Variants in POR observed in about 807,000 individuals in gnomAD.
POR encodes cytochrome p450 oxidoreductase.
POR carries 56 observed loss-of-function variants against 84.0 expected under a neutral mutation model. The ratio of observed to expected loss-of-function variants is 0.67; its 90% confidence interval spans 0.54 to 0.83. POR has a LOEUF of 0.83. POR is among the 40% of genes least tolerant of loss of function. The pLI, the probability that POR is intolerant of heterozygous loss-of-function variation, is 0.00. For missense variants in POR, 938 were observed against 944.3 expected, an observed-to-expected ratio of 0.99 and a Z score of 0.09; for synonymous variants, 414 against 400.5, an observed-to-expected ratio of 1.03 and a Z score of -0.40.
intron 1 of POR, among the ~76,000 whole-genome samples, chr7:75,920,228 G>A (rs561131340): frequency 6.6e-6 from 1 of 151,970 alleles, no homozygotes; most frequent in East Asian, 1.9e-4. Context: ...ATCACGCCCG[G>A]CTAATTTTTT....
intron 2 of POR, among the ~76,000 whole-genome samples, chr7:75,955,392 C>T (rs1158584211): frequency 3.9e-5 from 6 of 152,204 alleles, no homozygotes; most frequent in African/African-American, 1.4e-4. Context: ...CCTGTCTCTC[C>T]AAGATTGATT....
intron 2 of POR, among the ~76,000 whole-genome samples, chr7:75,961,864 A>G (rs782479853): frequency 6.6e-6 from 1 of 152,112 alleles, no homozygotes; most frequent in African/African-American, 2.4e-5. Flanking sequence ...AAACACAAAC[A>G]TTAGTCAAGT....
intron 2 of POR, among the ~76,000 whole-genome samples, chr7:75,959,399 G>T (rs1174233342): frequency 6.6e-6 from 1 of 152,152 alleles, no homozygotes; most frequent in Non-Finnish European, 1.5e-5. Context: ...AAGGTATGTG[G>T]CCCAGGGCTA....
Position 75,983,729 on chromosome 7 carries a change from T to A in POR, c.948-9T>A. 6.2e-7 allele frequency: 1 copy of A among 1,611,174 alleles called. No individual in the cohort carries two copies. The highest frequency in any genetic ancestry group is 8.5e-7 in the Non-Finnish European group (1 of 1,178,872). ...TTCCGCCCCTCCCGAGCCTCACATC[T>A]CCCTCCAGGTATGAATCTGGGGACC... On this transcript the variant is annotated splice_polypyrimidine_tract_variant and intron_variant, in intron 9 of 15. Coordinates refer to ENST00000461988, the MANE Select transcript of POR (RefSeq NM_000941.3).
At chr7:75,978,007 G>A (rs934421087) in intron 3 of POR, among the ~76,000 whole-genome samples, 10 of 152,180 alleles carry the variant, frequency 6.6e-5, no homozygotes, top group Non-Finnish European at 1.3e-4. Context: ...GCTGCTGGAG[G>A]AGGAGGGTGG....
chr7:75,982,369 G>C (rs1554558221), intron 8 of POR, 47 bp downstream of exon 8: 1 of 1,458,800 alleles, frequency 6.9e-7, no homozygotes, highest in African/African-American at 1.4e-5. Flanking sequence ...TATGGCCACT[G>C]GTGCACCCCA....
At chr7:75,925,679 G>T (rs554860308) in intron 1 of POR, among the ~76,000 whole-genome samples, 52 of 152,318 alleles carry the variant, frequency 3.4e-4, no homozygotes, top group African/African-American at 1.1e-3. Flanking sequence ...TTTGTGTGTG[G>T]AAAAGACCAA....
chr7:75,973,326 A>G (rs1486537873), intron 3 of POR, among the ~76,000 whole-genome samples: 1 of 151,552 alleles, frequency 6.6e-6, no homozygotes, highest in Non-Finnish European at 1.5e-5. Flanking sequence ...CCTTTATTTT[A>G]TTTTAGAGAC....
At chr7:75,947,862 G>C (rs1554552313) in intron 1 of POR, among the ~76,000 whole-genome samples, 1 of 151,976 alleles carries the variant, frequency 6.6e-6, no homozygotes, top group Non-Finnish European at 1.5e-5. Context: ...GAGTGGCTCA[G>C]GGTGGGGCTG....
chr7:75,985,911 C>T lies in POR; in HGVS notation c.1670-12C>T, dbSNP rs369107420. On this transcript the variant is annotated splice_polypyrimidine_tract_variant and intron_variant, in intron 13 of 15. Coordinates refer to ENST00000461988, the MANE Select transcript of POR (RefSeq NM_000941.3). ...TGGGAGCCCCGCGCTCACCCCGGCCCCTGCCACGCAGGCAAGGAGGTGGGG... is the reference window on the plus strand; with the variant it reads ...TGGGAGCCCCGCGCTCACCCCGGCCTCTGCCACGCAGGCAAGGAGGTGGGG... 26 of 1,574,566 alleles carry T rather than the reference C, an allele frequency of 1.7e-5. No homozygotes were observed. The East Asian group carries it at 5.6e-4, about 34-fold the overall frequency.
rs138895799 is a variant in POR at position 75,917,511 on chromosome 7, G to A, written c.-5+2332G>A. On this transcript the variant is annotated intron_variant, in intron 1 of 15. Transcript: ENST00000461988. ...TTTAGGGAGGAGCCAGAGAAACAGA[G>A]GTCAAGCTCTGGCACTAGCACCGTG... is the stretch of plus-strand genomic sequence containing the variant. Among the ~76,000 whole-genome samples, 688 of 151,838 alleles carry A rather than the reference G, an allele frequency of 4.5e-3. 7 individuals carry two copies. The highest frequency in any genetic ancestry group is 0.016 in the African/African-American group (649 of 41,400).
chr7:75,952,119 G>A (rs1160474990), intron 1 of POR, among the ~76,000 whole-genome samples: 16 of 118,786 alleles, frequency 1.3e-4, no homozygotes, highest in Admixed American at 2.3e-4. Flanking sequence ...TCCCGGACGG[G>A]GCAGCTGGCC....
At chr7:75,985,887 G>A (rs1554559225) in intron 13 of POR, 36 bp from the exon 14 acceptor site, 3 of 1,556,902 alleles carry the variant, frequency 1.9e-6, no homozygotes, top group Non-Finnish European at 2.6e-6. Flanking sequence ...GGTGACGACT[G>A]GGAGCCCCGC....
chr7:75,962,228 T>C (rs782669024), intron 2 of POR, among the ~76,000 whole-genome samples: 18 of 152,186 alleles, frequency 1.2e-4, no homozygotes, highest in Non-Finnish European at 2.4e-4. Flanking sequence ...TGCAGTTGAT[T>C]AATAAATCTT....
At chr7:75,932,164 A>C (rs908018594) in intron 1 of POR, among the ~76,000 whole-genome samples, 3 of 152,056 alleles carry the variant, frequency 2.0e-5, no homozygotes, top group Admixed American at 2.0e-4. Context: ...AAATATTTCT[A>C]AGACAAATTC....
At chr7:75,977,109 T>C (rs1189322380) in intron 3 of POR, among the ~76,000 whole-genome samples, 2 of 152,174 alleles carry the variant, frequency 1.3e-5, no homozygotes, top group Non-Finnish European at 2.9e-5. Flanking sequence ...TACCTCGGCC[T>C]CCCAAAGTAC....
chr7:75,919,524 C>G (rs1041634468), intron 1 of POR, among the ~76,000 whole-genome samples: 8 of 151,944 alleles, frequency 5.3e-5, no homozygotes, highest in African/African-American at 1.9e-4. Context: ...CAGTTTGTTT[C>G]TTTCTTTCCT....
At chr7:75,972,353 G>A (rs1380938889) in intron 2 of POR, 60 bp from the exon 3 acceptor site, 20 of 1,484,486 alleles carry the variant, frequency 1.3e-5, no homozygotes, top group Middle Eastern at 1.7e-4. Flanking sequence ...CCCACGTCCC[G>A]TGACACCTGT....
At chr7:75,980,924 C>T (rs952356699) in intron 5 of POR, 124 bp from the exon 6 acceptor site, 29 of 1,249,334 alleles carry the variant, frequency 2.3e-5, no homozygotes, top group Admixed American at 8.5e-5. Context: ...CCTGGTGGAA[C>T]GGAGGCCTGC....
Sources: allele counts gnomAD v4.1 joint callset (sites outside exome capture counted in the v4.1 genomes callset), GRCh38; gene constraint gnomAD v4.1.1; transcripts MANE v1.5; gene names NCBI Gene and HGNC (gene_info 2026-07-23, HGNC 2026-07-21).